The following EXOC6 variants were observed in gnomAD, a reference collection of about 807,000 sequenced individuals.
EXOC6 encodes SEC15-like 1.
In EXOC6, 60 loss-of-function variants were observed where a neutral mutation model predicts 112.5. The ratio of observed to expected loss-of-function variants is 0.53; its 90% CI spans 0.43 to 0.66. The LOEUF (loss-of-function observed/expected upper bound fraction) is 0.66, where lower values mean the gene tolerates loss of function less well. Among genes scored for constraint, EXOC6 ranks in the 30% least tolerant of loss-of-function variants. The probability of loss-of-function intolerance (pLI) is 0.00; values close to 1 mark genes in which losing one functional copy is unlikely to be tolerated. For synonymous variants in EXOC6, 295 were observed against 308.0 expected, an observed-to-expected ratio of 0.96 and a Z score of 0.44; for missense variants, 855 against 957.1, an observed-to-expected ratio of 0.89 and a Z score of 1.41.
At position 92,920,651 on chromosome 10, in the gene EXOC6, T is replaced by C. The variant is rs562445077; in HGVS notation, c.888+601T>C. On this transcript the variant is annotated intron_variant, in intron 8 of 21. Coordinates refer to ENST00000260762, the MANE Select transcript of EXOC6 (RefSeq NM_019053.6). ...TTCACGTCTTTTACTTCCTTGTTGG[T>C]CTTCTGCCTATTCTGTTATTGAAAG... Among the ~76,000 whole-genome samples, 95 of 152,324 alleles carry C rather than the reference T, an allele frequency of 6.2e-4. 5 individuals carry two copies. In the South Asian group the frequency reaches 0.019, roughly 31 times the overall value.
At chr10:92,898,889 C>A (rs185682779) in intron 4 of EXOC6, among the ~76,000 whole-genome samples, 21 of 152,220 alleles carry the variant, frequency 1.4e-4, no homozygotes, top group Admixed American at 1.0e-3. Context: ...AAAGTGTGTA[C>A]TCATTCTGTA....
At chr10:92,860,034 A>T (rs751817657) in intron 1 of EXOC6, among the ~76,000 whole-genome samples, 1 of 152,120 alleles carries the variant, frequency 6.6e-6, no homozygotes, top group Non-Finnish European at 1.5e-5. Flanking sequence ...CGAAAATGTC[A>T]AAAGGAATAA....
intron 1 of EXOC6, among the ~76,000 whole-genome samples, chr10:92,884,278 C>G (rs1006823441): frequency 2.0e-5 from 3 of 152,104 alleles, no homozygotes; most frequent in African/African-American, 7.2e-5. Context: ...GTGTCAATGC[C>G]CAGGGATTCC....
chr10:92,939,398 G>C (rs970225843), intron 12 of EXOC6, among the ~76,000 whole-genome samples: 8 of 151,980 alleles, frequency 5.3e-5, no homozygotes, highest in African/African-American at 1.9e-4. Context: ...AGAATTTGGT[G>C]ACTACTCAGT....
At chr10:92,972,942 C>G (rs1235415537) in intron 17 of EXOC6, among the ~76,000 whole-genome samples, 1 of 152,168 alleles carries the variant, frequency 6.6e-6, no homozygotes, top group Non-Finnish European at 1.5e-5. Flanking sequence ...TAGAGCTTTT[C>G]AGAGTCATCT....
At chr10:93,053,476 C>A (rs1321566851) in intron 20 of EXOC6, among the ~76,000 whole-genome samples, 2 of 152,194 alleles carry the variant, frequency 1.3e-5, no homozygotes, top group Admixed American at 6.5e-5. Flanking sequence ...CCAGGAAGAT[C>A]ATTTGACTTA....
At chr10:92,844,924 T>C (rs866211564), upstream of EXOC6, among the ~76,000 whole-genome samples, 3 of 152,186 alleles carry the variant, frequency 2.0e-5, no homozygotes, top group African/African-American at 7.2e-5. Context: ...ACCAGAGCAG[T>C]TGCACTCTAC....
At chr10:93,005,045 T>C (rs1359688351) in intron 19 of EXOC6, among the ~76,000 whole-genome samples, 2 of 152,150 alleles carry the variant, frequency 1.3e-5, no homozygotes, top group African/African-American at 4.8e-5. Flanking sequence ...GGGAATACAG[T>C]GGTAAGCAAA....
Position 93,015,593 on chromosome 10 carries a change from C to T in EXOC6, c.2169+1326C>T, listed in dbSNP as rs181856525. On this transcript the variant is annotated intron_variant, in intron 20 of 21. Transcript: ENST00000260762. ...CTAAAAATACAAAAAATTAGCTGTGCGTGGTGGCACATGCCTGTAGTCCCA... is the reference window on the plus strand; with the variant it reads ...CTAAAAATACAAAAAATTAGCTGTGTGTGGTGGCACATGCCTGTAGTCCCA... 4.7e-3 allele frequency among the ~76,000 whole-genome samples: 709 copies of T among 152,246 alleles called. 11 individuals are homozygous for T. Among genetic ancestry groups the T allele is most frequent in the East Asian group, 0.028 (145 of 5,180 alleles).
intron 15 of EXOC6, among the ~76,000 whole-genome samples, chr10:92,953,195 C>T (rs889595813): frequency 6.6e-6 from 1 of 152,118 alleles, no homozygotes; most frequent in Non-Finnish European, 1.5e-5. Context: ...CCTTCCACCT[C>T]AGCCTCCCAA....
chr10:92,974,845 G>A (rs904686019), intron 18 of EXOC6, among the ~76,000 whole-genome samples: 2 of 152,236 alleles, frequency 1.3e-5, no homozygotes, highest in African/African-American at 4.8e-5. Flanking sequence ...CGGGATTGCA[G>A]ATGGAGTCTG....
intron 18 of EXOC6, among the ~76,000 whole-genome samples, chr10:92,996,303 T>C (rs1843479515): frequency 6.6e-6 from 1 of 152,194 alleles, no homozygotes; most frequent in East Asian, 1.9e-4. Flanking sequence ...AGGAGAACTT[T>C]ACCTAAAAGA....
intron 1 of EXOC6, among the ~76,000 whole-genome samples, chr10:92,853,484 G>T (rs567509155): frequency 1.3e-5 from 2 of 152,270 alleles, no homozygotes; most frequent in South Asian, 2.1e-4. Context: ...CCATAGACCT[G>T]ATTTTAAGAT....
intron 20 of EXOC6, among the ~76,000 whole-genome samples, chr10:93,056,293 C>A (rs1283016235): frequency 6.6e-6 from 1 of 152,094 alleles, no homozygotes; most frequent in Non-Finnish European, 1.5e-5. Context: ...AAGAGGGTTT[C>A]TTTTTTGTTG....
At position 92,840,156 on chromosome 10, in the gene EXOC6, T is replaced by TA. The variant is rs777712484; in HGVS notation, c.86+5336dup. On this transcript the variant is annotated intron_variant, in intron 1 of 21. Transcript: ENST00000371552. The stretch of plus-strand genomic sequence containing the variant: ...AAAAAACCCTAAACTGTATATACTA[T>TA]AAAATCTTAGAATGACATACTAAAA... 2.0e-5 allele frequency among the ~76,000 whole-genome samples: 3 copies of TA among 151,516 alleles called. No homozygotes were observed. The South Asian group carries it at 6.2e-4, about 32-fold the overall frequency.
chr10:93,001,297 C>T (rs922958090), intron 19 of EXOC6, among the ~76,000 whole-genome samples: 1 of 152,202 alleles, frequency 6.6e-6, no homozygotes, highest in Non-Finnish European at 1.5e-5. Flanking sequence ...TGCTCACACA[C>T]TCCTCCATCT....
At position 92,997,764 on chromosome 10, in the gene EXOC6, C is replaced by A. The variant is rs150851418; in HGVS notation, c.2095+149C>A. On this transcript the variant is annotated intron_variant, in intron 19 of 21. Transcript: ENST00000260762. Reference sequence around the variant, plus strand: ...GCAGCCTTAGGAGTAGGGCTAACTTCCTGAAACAGGAAGATAAAAATATCT... The same window carrying A: ...GCAGCCTTAGGAGTAGGGCTAACTTACTGAAACAGGAAGATAAAAATATCT... 53 of 521,068 alleles carry A rather than the reference C, an allele frequency of 1.0e-4. No homozygotes were observed. The African/African-American group carries it at 1.0e-3, about 10-fold the overall frequency. The allele number at this position is 521,068 out of a possible 1,614,324, so 32.3% of individuals were successfully genotyped here. A position where few individuals can be genotyped will look rare whatever the true frequency, so the allele number is the denominator to read the frequency against.
intron 17 of EXOC6, among the ~76,000 whole-genome samples, chr10:92,965,021 G>A (rs558954983): frequency 6.6e-6 from 1 of 152,254 alleles, no homozygotes; most frequent in Admixed American, 6.6e-5. Context: ...GGATGGGACT[G>A]GTAATTGACT....
At chr10:92,848,433 G>GCCCCCCCCCCCCCCC, upstream of EXOC6, 5 of 855,808 alleles carry the variant, frequency 5.8e-6, no homozygotes, top group Non-Finnish European at 7.1e-6. Flanking sequence ...CGGCCCGAGC[G>GCCCCCCCCCCCCCCC]CCCCGCCCCC....
Sources: allele counts gnomAD v4.1 joint callset (sites outside exome capture counted in the v4.1 genomes callset), GRCh38; gene constraint gnomAD v4.1.1; transcripts MANE v1.5; gene names NCBI Gene and HGNC (gene_info 2026-07-23, HGNC 2026-07-21).